The following GZMM variants were observed in gnomAD, a reference collection of about 807,000 sequenced individuals.
GZMM encodes HU-Met-1.
GZMM carries 23 observed loss-of-function variants against 19.2 expected under a neutral mutation model. The ratio of observed to expected loss-of-function variants is 1.20; its 90% confidence interval spans 0.86 to 1.69. GZMM has a LOEUF of 1.69. Among genes scored for constraint, GZMM ranks in the 40% most tolerant of loss-of-function variants. The pLI, the probability that GZMM is intolerant of heterozygous loss-of-function variation, is 0.00. For missense variants in GZMM, 373 were observed against 352.2 expected (o/e 1.06, Z -0.47); for synonymous variants, 178 against 160.2 (o/e 1.11, Z -0.84).
At chr19:548,790 TC>T (rs1415513532) in intron 3 of GZMM, 113 bp downstream of exon 3, 26 of 238,368 alleles carry the variant, frequency 1.1e-4, no homozygotes, top group Non-Finnish European at 1.5e-4. Context: ...CTGCTGCCCC[TC>T]CCCCCGCACT....
intron 3 of GZMM, 87 bp from the exon 4 acceptor site, chr19:548,835 A>G (rs1268808456): frequency 4.5e-6 from 1 of 222,638 alleles, no homozygotes; most frequent in South Asian, 3.5e-5. Context: ...CCCTCCCCCC[A>G]CTGCCACCCC....
chr19:544,922 TCCAC>T (rs1350358514), intron 1 of GZMM, among the ~76,000 whole-genome samples: 6 of 139,254 alleles, frequency 4.3e-5, no homozygotes, highest in Non-Finnish European at 7.9e-5. Flanking sequence ...CTCCCATTCT[TCCAC>T]CCACCCGTCC....
chr19:546,913 G>A (rs577207954), intron 1 of GZMM, among the ~76,000 whole-genome samples: 1 of 151,918 alleles, frequency 6.6e-6, no homozygotes, highest in African/African-American at 2.4e-5. Context: ...CGAACTCCTG[G>A]CCTCAAGTGA....
Position 549,197 on chromosome 19 carries a change from C to T in GZMM, c.612+12C>T, listed in dbSNP as rs745967324. The T allele has an allele frequency of 1.9e-6, 3 of 1,559,510 alleles. No homozygotes were observed. Among genetic ancestry groups the T allele is most frequent in the Non-Finnish European group, 2.6e-6 (3 of 1,151,382 alleles). The stretch of plus-strand genomic sequence containing the variant: ...AGGCTCCCTGCAAGGTGAGGGGCGC[C>T]CGGGTGGGGCTGGGGGAATGAGGCT... On this transcript the variant is annotated intron_variant, in intron 4 of 4. Coordinates refer to ENST00000264553, the MANE Select transcript of GZMM (RefSeq NM_005317.4).
chr19:547,507 G>C, intron 2 of GZMM, 71 bp downstream of exon 2: 1 of 1,203,282 alleles, frequency 8.3e-7, no homozygotes, highest in African/African-American at 1.6e-5. Context: ...TCTGCAGGGG[G>C]TGGGCTCTGG....
intron 2 of GZMM, 108 bp downstream of exon 2, chr19:547,544 C>A: frequency 1.2e-6 from 1 of 860,570 alleles, no homozygotes; most frequent in East Asian, 3.2e-5. Context: ...GTGGGACCCC[C>A]GTCCCCTCCC....
intron 4 of GZMM, 67 bp from the exon 5 acceptor site, chr19:549,563 G>A: frequency 6.7e-7 from 1 of 1,494,362 alleles, no homozygotes. Flanking sequence ...GCTCCCCTCG[G>A]CGGGCCCTGC....
intron 1 of GZMM, among the ~76,000 whole-genome samples, chr19:546,325 G>T (rs1010868628): frequency 6.6e-6 from 1 of 150,576 alleles, no homozygotes. Context: ...GATCACCTGA[G>T]GTTAGGTGTT....
chr19:548,984 G>T lies in GZMM; in HGVS notation c.411G>T (p.Gln137His). 1 of 1,604,174 alleles carries T rather than the reference G, an allele frequency of 6.2e-7. No individual in the cohort carries two copies. The highest frequency in any genetic ancestry group is 8.5e-7 in the Non-Finnish European group (1 of 1,175,918). The change falls in exon 4 of 5, where the codon CAG becomes CAT. Residue 137 changes from glutamine (Q) to histidine (H), a missense_variant. Physicochemically the swap from Gln to His is conservative, Grantham distance 24. Coordinates refer to ENST00000264553, the MANE Select transcript of GZMM (RefSeq NM_005317.4). ...IRPLALPSKR[Q>H]VVAAGTRCSM... ...CGTTGGCCCTGCCCAGTAAGCGCCA[G>T]GTGGTGGCAGCAGGGACTCGGTGCA...
Position 547,337 on chromosome 19 carries a change from C to CGT in GZMM, c.114_115dup (p.Tyr39CysfsTer25). On this transcript the variant is annotated frameshift_variant, in exon 2 of 5. Transcript: ENST00000264553. LOFTEE classifies it high-confidence loss of function. ...CGGGAGGTGATCCCCCACTCGCGCC[C>CGT]GTACATGGCCTCACTGCAGAGAAAT... 6.3e-7 allele frequency: 1 copy of CGT among 1,577,806 alleles called. No individual in the cohort carries two copies. The highest frequency in any genetic ancestry group is 8.6e-7 in the Non-Finnish European group (1 of 1,163,530).
rs77680573 is a variant in GZMM, at chr19:548,630, C to A, written c.301C>A (p.Arg101Ser). ...CATCAAGGCAGCCATCCAGCACCCT[C>A]GCTACAAGCCCGTCCCTGCCCTGGA... ...FHIKAAIQHP[R>S]YKPVPALEND... The change falls in exon 3 of 5, where the codon CGC (arginine) becomes AGC (serine). Residue 101 changes from arginine to serine, a missense_variant. Physicochemically the swap from Arg to Ser is moderately radical, Grantham distance 110. Transcript: ENST00000264553. The A allele has an allele frequency of 4.4e-3, 7,147 of 1,613,624 alleles. 248 individuals are homozygous for A. The African/African-American group carries it at 0.082, about 18-fold the overall frequency.
At position 549,761 on chromosome 19, in the gene GZMM, G is replaced by C. The variant is rs753826167; in HGVS notation, c.744G>C (p.Trp248Cys). 1.2e-5 allele frequency: 20 copies of C among 1,610,370 alleles called. No individual in the cohort carries two copies. The highest frequency in any genetic ancestry group is 1.7e-5 in the Non-Finnish European group (20 of 1,177,898). Residue 248 changes from tryptophan (W) to cysteine (C), a missense_variant, in exon 5 of 5, where the codon TGG becomes TGC. Coordinates refer to ENST00000264553, the MANE Select transcript of GZMM (RefSeq NM_005317.4). The stretch of plus-strand genomic sequence containing the variant: ...CCGCTGTGGCGCCTTACGTGTCCTG[G>C]ATCAGGAAGGTCACCGGCCGATCGG... The part of the protein sequence containing the change: ...VATAVAPYVS[W>C]IRKVTGRSA
intron 1 of GZMM, among the ~76,000 whole-genome samples, chr19:546,045 G>A (rs1391844218): frequency 6.9e-6 from 1 of 144,970 alleles, no homozygotes; most frequent in East Asian, 2.1e-4. Context: ...CTCCCAAAGT[G>A]CTGGGATTAT....
At chr19:547,209 G>C in intron 1 of GZMM, 71 bp from the exon 2 acceptor site, 5 of 1,383,922 alleles carry the variant, frequency 3.6e-6, no homozygotes, top group Non-Finnish European at 4.8e-6. Flanking sequence ...CTCTGAGCTG[G>C]GCAAGGACAG....
intron 1 of GZMM, 75 bp downstream of exon 1, chr19:544,201 G>A (rs1980169141): frequency 6.2e-6 from 8 of 1,289,496 alleles, no homozygotes; most frequent in Non-Finnish European, 8.7e-6. Flanking sequence ...GGAGGGGTGG[G>A]CGCGGGCGCC....
At chr19:547,256 G>C in intron 1 of GZMM, 24 bp from the exon 2 acceptor site, 1 of 1,487,694 alleles carries the variant, frequency 6.7e-7, no homozygotes. Context: ...CCCCAACCTG[G>C]CTCTTTGTCC....
At chr19:547,734 T>C (rs912952303) in intron 2 of GZMM, among the ~76,000 whole-genome samples, 1 of 152,100 alleles carries the variant, frequency 6.6e-6, no homozygotes, top group African/African-American at 2.4e-5. Context: ...TGTCTGTCCA[T>C]TCACCTGCTG....
intron 1 of GZMM, among the ~76,000 whole-genome samples, chr19:545,285 G>A (rs1237321698): frequency 6.6e-6 from 1 of 152,148 alleles, no homozygotes; most frequent in Non-Finnish European, 1.5e-5. Flanking sequence ...ATAAACCAAG[G>A]GAGGAAGCCG....
intron 4 of GZMM, 74 bp from the exon 5 acceptor site, chr19:549,556 C>G: frequency 6.8e-7 from 1 of 1,464,292 alleles, no homozygotes; most frequent in Non-Finnish European, 9.2e-7. Flanking sequence ...TGGCCCTGCT[C>G]CCCTCGGCGG....
Sources: gnomAD v4.1 joint callset for allele counts (sites outside exome capture counted in the v4.1 genomes callset) on GRCh38, gnomAD v4.1.1 for gene constraint, MANE v1.5 for transcripts, NCBI Gene and HGNC (gene_info 2026-07-23, HGNC 2026-07-21) for gene names.